DOCK10: variants seen among roughly 807,000 people sequenced by gnomAD.
DOCK10 encodes the protein dedicator of cytokinesis 10, also known as dedicator of cytokinesis protein 10.
DOCK10 carries 145 observed loss-of-function variants against 280.1 expected under a neutral mutation model. The ratio of observed to expected loss-of-function variants is 0.52; its 90% confidence interval spans 0.45 to 0.59. DOCK10 has a LOEUF of 0.59. DOCK10 is among the 20% of genes least tolerant of loss of function. DOCK10 has a pLI of 0.00. For synonymous variants in DOCK10, 915 were observed against 942.2 expected, an observed-to-expected ratio of 0.97 and a Z score of 0.53; for missense variants, 2,368 against 2,651.7, an observed-to-expected ratio of 0.89 and a Z score of 2.35.
intron 1 of DOCK10, chr2:225,010,612 C>A (rs1310997404): frequency 6.5e-6 from 1 of 154,198 alleles, no homozygotes; most frequent in Non-Finnish European, 1.5e-5. Context: ...GGAAAGGGAA[C>A]GTAAGATCAG....
intron 3 of DOCK10, among the ~76,000 whole-genome samples, chr2:224,914,768 G>T (rs1040381830): frequency 6.6e-6 from 1 of 151,932 alleles, no homozygotes; most frequent in African/African-American, 2.4e-5. Context: ...TTGTTTTAGG[G>T]ATATAAAATA....
At position 224,787,090 on chromosome 2, in the gene DOCK10, C is replaced by A. The variant is rs1482746073; in HGVS notation, c.5587G>T (p.Val1863Leu). ...YYDIHRSYLK[V>L]AEVVNSEKRL... ...TTCTCCGAATTCACCACCTCTGCCA[C>A]TTTCAGATATGACCGATGAATGTCG... Residue 1863 changes from valine (V) to leucine (L), a missense_variant, in exon 50 of 56, where the codon GTG (valine) becomes TTG (leucine). By Grantham distance (32) the Val-to-Leu change is conservative (BLOSUM62 1). Transcript: ENST00000258390. 2 of 1,613,912 alleles carry A rather than the reference C, an allele frequency of 1.2e-6. No homozygotes were observed. Among genetic ancestry groups the A allele is most frequent in the Non-Finnish European group, 1.7e-6 (2 of 1,179,894 alleles).
intron 1 of DOCK10, among the ~76,000 whole-genome samples, chr2:225,009,487 C>T (rs987547605): frequency 1.3e-5 from 2 of 152,120 alleles, no homozygotes; most frequent in African/African-American, 2.4e-5. Context: ...AATTATTCTT[C>T]ATGCAAAAAG....
intron 11 of DOCK10, among the ~76,000 whole-genome samples, chr2:224,873,468 T>C (rs1449886587): frequency 6.6e-6 from 1 of 151,728 alleles, no homozygotes; most frequent in Admixed American, 6.6e-5. Context: ...CTGTAGTCCA[T>C]TACTTGGAAG....
intron 18 of DOCK10, among the ~76,000 whole-genome samples, chr2:224,851,861 T>G (rs983241762): frequency 6.6e-6 from 1 of 152,166 alleles, no homozygotes; most frequent in African/African-American, 2.4e-5. Context: ...ACCTCATAGT[T>G]TTATGGATCT....
At position 224,798,659 on chromosome 2, in the gene DOCK10, T is replaced by G. The variant is rs1172392589; in HGVS notation, c.4507-690A>C. Among the ~76,000 whole-genome samples the G allele has an allele frequency of 9.4e-5, 14 of 148,680 alleles. No homozygotes were observed. In the South Asian group the frequency reaches 1.9e-3, roughly 20 times the overall value. Reference sequence around the variant, plus strand: ...CTTTTTTTTTTTTTTTGAGACAAGGTCTCACTCTGTCACCTAAGCAGGAGT... The same window carrying G: ...CTTTTTTTTTTTTTTTGAGACAAGGGCTCACTCTGTCACCTAAGCAGGAGT... On this transcript the variant is annotated intron_variant, in intron 41 of 55. Transcript: ENST00000258390.
intron 1 of DOCK10, among the ~76,000 whole-genome samples, chr2:224,989,440 C>G (rs1706069162): frequency 6.6e-6 from 1 of 152,096 alleles, no homozygotes; most frequent in East Asian, 1.9e-4. Context: ...TCATCATTAT[C>G]ATCTTCATCA....
At chr2:224,862,515 C>G in intron 14 of DOCK10, 149 bp downstream of exon 14, 1 of 637,636 alleles carries the variant, frequency 1.6e-6, no homozygotes, top group Non-Finnish European at 2.8e-6. Flanking sequence ...CTCAGAGAAG[C>G]TCAAGATGTT....
At position 224,844,395 on chromosome 2, in the gene DOCK10, G is replaced by T. The variant is rs148487924; in HGVS notation, c.2568+358C>A. On this transcript the variant is annotated intron_variant, in intron 22 of 55. Transcript: ENST00000258390. ...TCTGCCCGCCTCGGCCTCCCAAAGTGCTGGGATTACAGGAGTGAGCCACCG... is the reference window on the plus strand; with the variant it reads ...TCTGCCCGCCTCGGCCTCCCAAAGTTCTGGGATTACAGGAGTGAGCCACCG... Among the ~76,000 whole-genome samples, 697 of 152,258 alleles carry T rather than the reference G, an allele frequency of 4.6e-3. 5 individuals carry two copies. Among genetic ancestry groups the T allele is most frequent in the African/African-American group, 0.016 (662 of 41,538 alleles).
chr2:224,992,075 C>T (rs570606743), intron 1 of DOCK10, among the ~76,000 whole-genome samples: 2 of 152,144 alleles, frequency 1.3e-5, no homozygotes, highest in Non-Finnish European at 2.9e-5. Context: ...AAACCTCCAA[C>T]AGCAACTGCT....
Position 224,805,169 on chromosome 2 carries a change from T to C in DOCK10, c.4051+37A>G. 6.2e-7 allele frequency: 1 copy of C among 1,600,344 alleles called. No individual in the cohort carries two copies. The highest frequency in any genetic ancestry group is 8.5e-7 in the Non-Finnish European group (1 of 1,175,822). On this transcript the variant is annotated intron_variant, in intron 36 of 55. Transcript: ENST00000258390. The surrounding 1 kb of genome is among the most constrained non-coding windows in gnomAD (Gnocchi z 4.3). The stretch of plus-strand genomic sequence containing the variant: ...AGTATGAGAATCTGAAGGTTTTCTT[T>C]TTCCTTTTTTCAAAAAAATTAAAGA...
intron 18 of DOCK10, among the ~76,000 whole-genome samples, chr2:224,851,163 C>T (rs1263513415): frequency 6.6e-6 from 1 of 152,204 alleles, no homozygotes; most frequent in Non-Finnish European, 1.5e-5. Flanking sequence ...TATAAGCCCC[C>T]TTTGTCCAAA....
chr2:225,040,989 T>C (rs1487838911), intron 1 of DOCK10, among the ~76,000 whole-genome samples: 1 of 152,042 alleles, frequency 6.6e-6, no homozygotes, highest in African/African-American at 2.4e-5. Context: ...CTGCAGCTAG[T>C]GTAAGTGCAA....
intron 30 of DOCK10, 23 bp from the exon 31 acceptor site, chr2:224,814,387 G>C: frequency 1.4e-6 from 2 of 1,430,720 alleles, no homozygotes. Flanking sequence ...TAAATAAAAA[G>C]TTCAGATATA....
intron 1 of DOCK10, among the ~76,000 whole-genome samples, chr2:225,019,089 A>C (rs281533): frequency 0.83 from 126,011 of 151,778 alleles, 52,568 homozygotes; most frequent in Middle Eastern, 0.9. Context: ...CTAAACCTTT[A>C]TTTTTGAATT....
intron 1 of DOCK10, among the ~76,000 whole-genome samples, chr2:225,035,235 T>A (rs951797288): frequency 6.6e-6 from 1 of 151,948 alleles, no homozygotes; most frequent in African/African-American, 2.4e-5. Context: ...AACTCCAACA[T>A]GGATAGTCAA....
intron 1 of DOCK10, among the ~76,000 whole-genome samples, chr2:225,005,457 C>G (rs114848379): frequency 6.6e-6 from 1 of 152,230 alleles, no homozygotes; most frequent in Non-Finnish European, 1.5e-5. Context: ...GTCCCACCAT[C>G]TTGATTTTTG....
intron 1 of DOCK10, among the ~76,000 whole-genome samples, chr2:225,020,415 CAA>C (rs540784928): frequency 1.4e-4 from 22 of 152,228 alleles, no homozygotes; most frequent in Middle Eastern, 3.4e-3. Context: ...AACCATGAAG[CAA>C]AGAGTCTGTT....
At chr2:224,913,891 C>T (rs1701172395) in intron 3 of DOCK10, among the ~76,000 whole-genome samples, 1 of 151,964 alleles carries the variant, frequency 6.6e-6, no homozygotes, top group South Asian at 2.1e-4. Flanking sequence ...CCACGTCTGG[C>T]TAATTTTTTG....
Sources: gnomAD v4.1 joint callset for allele counts (sites outside exome capture counted in the v4.1 genomes callset) on GRCh38, gnomAD v4.1.1 for gene constraint, Gnocchi (gnomAD v3.1) non-coding constraint, MANE v1.5 for transcripts, NCBI Gene and HGNC (gene_info 2026-07-23, HGNC 2026-07-21) for gene names.